The following PRDM5 variants were observed in gnomAD, a reference collection of about 807,000 sequenced individuals.
PRDM5 encodes PR/SET domain 5.
In PRDM5, 56 loss-of-function variants were observed where a neutral mutation model predicts 81.2. The observed-to-expected ratio is 0.69, with a 90% CI of 0.56 to 0.86. The LOEUF (loss-of-function observed/expected upper bound fraction) is 0.86, where lower values mean the gene tolerates loss of function less well. PRDM5 is among the 40% of genes least tolerant of loss of function. The probability of loss-of-function intolerance (pLI) is 0.00; values close to 1 mark genes in which losing one functional copy is unlikely to be tolerated. For missense variants in PRDM5, 697 were observed against 770.1 expected (o/e 0.91, Z 1.12); for synonymous variants, 267 against 256.4 (o/e 1.04, Z -0.39).
chr4:120,789,183 T>A (rs1949110), intron 10 of PRDM5, among the ~76,000 whole-genome samples: 1 of 152,074 alleles, frequency 6.6e-6, no homozygotes, highest in Non-Finnish European at 1.5e-5. Context: ...CTATGAAACA[T>A]ATCTTTTTAT....
intron 1 of PRDM5, among the ~76,000 whole-genome samples, chr4:120,911,437 G>A (rs1314485880): frequency 6.6e-6 from 1 of 152,152 alleles, no homozygotes; most frequent in Non-Finnish European, 1.5e-5. Flanking sequence ...AGCCCATAAT[G>A]GAGCATCTTT....
At chr4:120,855,225 A>G (rs1187852169) in intron 2 of PRDM5, among the ~76,000 whole-genome samples, 2 of 152,194 alleles carry the variant, frequency 1.3e-5, no homozygotes, top group Non-Finnish European at 2.9e-5. Flanking sequence ...TTTCTCAAAC[A>G]ATTCCTGTTT....
At chr4:120,714,807 C>T (rs1451772353) in intron 14 of PRDM5, among the ~76,000 whole-genome samples, 1 of 152,142 alleles carries the variant, frequency 6.6e-6, no homozygotes, top group African/African-American at 2.4e-5. Flanking sequence ...TGCTGCCAGG[C>T]ACTCTGGGAT....
intron 13 of PRDM5, among the ~76,000 whole-genome samples, chr4:120,771,208 A>T (rs552535766): frequency 6.6e-6 from 1 of 152,314 alleles, no homozygotes; most frequent in Admixed American, 6.5e-5. Flanking sequence ...TTATAAAACA[A>T]ACATTATTGC....
intron 13 of PRDM5, among the ~76,000 whole-genome samples, chr4:120,773,549 G>T (rs1478118699): frequency 2.6e-5 from 4 of 151,988 alleles, no homozygotes; most frequent in Non-Finnish European, 4.4e-5. Context: ...ATCACGCATG[G>T]GTAAAAGATC....
At chr4:120,735,173 T>A (rs1740934415) in intron 14 of PRDM5, among the ~76,000 whole-genome samples, 1 of 152,188 alleles carries the variant, frequency 6.6e-6, no homozygotes, top group African/African-American at 2.4e-5. Context: ...TTCCCTAAGA[T>A]CAATTCTTTT....
chr4:120,836,615 GCA>G (rs1427133640), intron 3 of PRDM5, among the ~76,000 whole-genome samples: 1 of 152,158 alleles, frequency 6.6e-6, no homozygotes, highest in Non-Finnish European at 1.5e-5. Context: ...GGTACTTAAA[GCA>G]CATATTTATC....
rs572783684 is a variant in PRDM5, at chr4:120,793,911, C to A, written c.1188+4356G>T. 3.6e-4 allele frequency among the ~76,000 whole-genome samples: 55 copies of A among 152,098 alleles called. No individual in the cohort carries two copies. In the South Asian group the frequency reaches 0.011, roughly 31 times the overall value. Reference sequence around the variant, plus strand: ...TTACATTGTACACCATAAACATACACAAATTTCACTTGTCATTATGCTTCA... The same window carrying A: ...TTACATTGTACACCATAAACATACAAAAATTTCACTTGTCATTATGCTTCA... On this transcript the variant is annotated intron_variant, in intron 10 of 15. Coordinates refer to ENST00000264808, the MANE Select transcript of PRDM5 (RefSeq NM_018699.4).
intron 3 of PRDM5, among the ~76,000 whole-genome samples, chr4:120,843,699 A>AAG (rs1561463459): frequency 6.6e-6 from 1 of 151,796 alleles, no homozygotes; most frequent in African/African-American, 2.4e-5. Context: ...AAAAAAAAAA[A>AAG]AAGAAGAAGA....
chr4:120,880,210 T>A (rs171069), intron 2 of PRDM5, among the ~76,000 whole-genome samples: 1 of 151,950 alleles, frequency 6.6e-6, no homozygotes, highest in Non-Finnish European at 1.5e-5. Flanking sequence ...CACACACAAA[T>A]AATTAAACTG....
At chr4:120,698,832 A>T (rs1734893523) in intron 15 of PRDM5, among the ~76,000 whole-genome samples, 1 of 152,106 alleles carries the variant, frequency 6.6e-6, no homozygotes. Context: ...TCTCAAAGAC[A>T]TGAAGACATC....
chr4:120,705,842 G>C (rs1285646155), intron 15 of PRDM5, among the ~76,000 whole-genome samples: 1 of 152,176 alleles, frequency 6.6e-6, no homozygotes, highest in African/African-American at 2.4e-5. Flanking sequence ...CCAGGAGACT[G>C]AGATAAAGCT....
At chr4:120,895,001 C>T (rs1764461030) in intron 2 of PRDM5, among the ~76,000 whole-genome samples, 1 of 152,184 alleles carries the variant, frequency 6.6e-6, no homozygotes, top group Non-Finnish European at 1.5e-5. Context: ...CCTTTCCTGA[C>T]TTAATTCCAT....
chr4:120,915,559 T>C (rs1481315180), intron 1 of PRDM5, among the ~76,000 whole-genome samples: 1 of 152,188 alleles, frequency 6.6e-6, no homozygotes, highest in African/African-American at 2.4e-5. Flanking sequence ...CCTCCTGTCC[T>C]GACCTTTTTC....
At chr4:120,727,973 C>T (rs909155921) in intron 14 of PRDM5, among the ~76,000 whole-genome samples, 4 of 151,532 alleles carry the variant, frequency 2.6e-5, no homozygotes, top group Non-Finnish European at 5.9e-5. Context: ...AGAGAAAGTA[C>T]CAGTGAAGAA....
chr4:120,770,599 T>C (rs1747134370), intron 13 of PRDM5, among the ~76,000 whole-genome samples: 1 of 152,064 alleles, frequency 6.6e-6, no homozygotes, highest in Admixed American at 6.6e-5. Context: ...TTCAAGAAAG[T>C]ATGGACAGCT....
chr4:120,879,475 T>G (rs1455452976), intron 2 of PRDM5, among the ~76,000 whole-genome samples: 4 of 152,164 alleles, frequency 2.6e-5, no homozygotes, highest in Non-Finnish European at 5.9e-5. Flanking sequence ...TTACTCTTCC[T>G]CCTCAGTCTA....
intron 11 of PRDM5, among the ~76,000 whole-genome samples, chr4:120,782,627 G>A (rs17051254): frequency 0.054 from 8,213 of 152,090 alleles, 356 homozygotes; most frequent in Middle Eastern, 0.15. Flanking sequence ...GATTCTGAGA[G>A]CTTGGTTTTT....
intron 1 of PRDM5, among the ~76,000 whole-genome samples, chr4:120,912,943 T>C (rs1283659378): frequency 6.6e-6 from 1 of 152,218 alleles, no homozygotes; most frequent in Non-Finnish European, 1.5e-5. Flanking sequence ...GGATGTGCCT[T>C]TGCAATATAA....
Sources: gnomAD v4.1 joint callset for allele counts (sites outside exome capture counted in the v4.1 genomes callset) on GRCh38, gnomAD v4.1.1 for gene constraint, MANE v1.5 for transcripts, NCBI Gene and HGNC (gene_info 2026-07-23, HGNC 2026-07-21) for gene names.